CAMK2D: variants seen among roughly 807,000 people sequenced by gnomAD.
The protein encoded by CAMK2D is calcium/calmodulin dependent protein kinase II delta.
In CAMK2D, 37 loss-of-function variants were observed where a neutral mutation model predicts 84.0. That is an observed-to-expected ratio of 0.44 (90% CI 0.34 to 0.58). The LOEUF (loss-of-function observed/expected upper bound fraction) is 0.58. Among genes scored for constraint, CAMK2D ranks in the 20% least tolerant of loss-of-function variants. CAMK2D has a pLI of 0.02. For missense variants in CAMK2D, 448 were observed against 652.5 expected, an observed-to-expected ratio of 0.69 and a Z score of 3.41; for synonymous variants, 202 against 212.5, an observed-to-expected ratio of 0.95 and a Z score of 0.43.
intron 4 of CAMK2D, among the ~76,000 whole-genome samples, chr4:113,590,130 C>T (rs2214393): frequency 0.7 from 105,928 of 151,546 alleles, 37,187 homozygotes; most frequent in Middle Eastern, 0.74. Flanking sequence ...CTAAATGTAT[C>T]TGTTGAATGA....
intron 4 of CAMK2D, among the ~76,000 whole-genome samples, chr4:113,572,817 A>T (rs1236826394): frequency 6.6e-6 from 1 of 152,216 alleles, no homozygotes; most frequent in Admixed American, 6.5e-5. Context: ...GACAGACTGG[A>T]TAAAGAAAAT....
At chr4:113,523,976 G>A (rs923596714) in intron 8 of CAMK2D, among the ~76,000 whole-genome samples, 1 of 151,872 alleles carries the variant, frequency 6.6e-6, no homozygotes, top group Non-Finnish European at 1.5e-5. Context: ...TGATCTTCCC[G>A]GGCTCAGCCT....
intron 2 of CAMK2D, among the ~76,000 whole-genome samples, chr4:113,729,500 C>T (rs182702478): frequency 5.3e-5 from 8 of 150,436 alleles, no homozygotes; most frequent in Non-Finnish European, 1.2e-4. Context: ...ATTTCTTTTG[C>T]CTCACGTGCT....
intron 4 of CAMK2D, among the ~76,000 whole-genome samples, chr4:113,594,940 C>G (rs557443227): frequency 6.0e-4 from 92 of 152,148 alleles, no homozygotes; most frequent in Non-Finnish European, 1.3e-3. Context: ...ACAGCAATAA[C>G]AGTTTGACAG....
chr4:113,527,852 G>A (rs555174578), intron 8 of CAMK2D, among the ~76,000 whole-genome samples: 3 of 152,034 alleles, frequency 2.0e-5, no homozygotes, highest in Admixed American at 2.0e-4. Context: ...ATTAAATAGA[G>A]CTAACTCACC....
At position 113,451,967 on chromosome 4, in the gene CAMK2D, T is replaced by C. The variant is rs912068252; in HGVS notation, c.*2578A>G. The C allele has an allele frequency of 5.3e-5, 8 of 152,046 alleles. No individual in the cohort carries two copies. Among genetic ancestry groups the C allele is most frequent in the East Asian group, 1.9e-4 (1 of 5,166 alleles). The allele number at this position is 152,046 out of a possible 1,614,324, so 9.4% of individuals were successfully genotyped here. A position where few individuals can be genotyped will look rare whatever the true frequency, so the allele number is the denominator to read the frequency against. On this transcript the variant is annotated 3_prime_UTR_variant, in exon 21 of 21. Transcript: ENST00000511664. Reference sequence around the variant, plus strand: ...TTCTAGGTAAGAAACATAAACAACATGAACAGCATAAACAGGCATGTGAGC... The same window carrying C: ...TTCTAGGTAAGAAACATAAACAACACGAACAGCATAAACAGGCATGTGAGC...
intron 5 of CAMK2D, 64 bp downstream of exon 5, chr4:113,551,967 A>G (rs1000689172): frequency 2.0e-5 from 15 of 760,660 alleles, no homozygotes; most frequent in Admixed American, 7.1e-5. Flanking sequence ...TTTGTAAAGA[A>G]ATATGCTGAA....
intron 16 of CAMK2D, among the ~76,000 whole-genome samples, chr4:113,498,723 T>G (rs548610985): frequency 1.3e-5 from 2 of 152,156 alleles, no homozygotes; most frequent in Non-Finnish European, 2.9e-5. Flanking sequence ...GGAGAACTGT[T>G]TTCTAAGAAC....
chr4:113,670,582 G>C (rs1213012569), intron 2 of CAMK2D, among the ~76,000 whole-genome samples: 1 of 151,876 alleles, frequency 6.6e-6, no homozygotes, highest in Non-Finnish European at 1.5e-5. Context: ...ACTTTCCTTA[G>C]ATGTAATTTT....
At chr4:113,462,288 G>C (rs367630502) in intron 17 of CAMK2D, among the ~76,000 whole-genome samples, 889 of 83,914 alleles carry the variant, frequency 0.011, 5 homozygotes, top group African/African-American at 9.9e-3. Flanking sequence ...GTGTGTGTGT[G>C]TGTGTGTCTG....
intron 4 of CAMK2D, among the ~76,000 whole-genome samples, chr4:113,589,971 C>A (rs781610065): frequency 6.6e-6 from 1 of 151,956 alleles, no homozygotes; most frequent in Non-Finnish European, 1.5e-5. Context: ...TATGGTATGG[C>A]CAAATTACCT....
chr4:113,454,701 G>A (rs1321716635), intron 20 of CAMK2D, among the ~76,000 whole-genome samples, 186 bp from the exon 21 acceptor site: 5 of 152,136 alleles, frequency 3.3e-5, no homozygotes, highest in Non-Finnish European at 1.5e-5. Context: ...GTTACACAAA[G>A]AGAGTATTAA....
At chr4:113,518,627 T>C (rs909090761) in intron 8 of CAMK2D, among the ~76,000 whole-genome samples, 13 of 152,286 alleles carry the variant, frequency 8.5e-5, no homozygotes, top group African/African-American at 2.6e-4. Flanking sequence ...CTCTCCTGTT[T>C]GCTTTTTTCT....
Position 113,592,853 on chromosome 4 carries a change from T to TTTTATTTATTTATTTA in CAMK2D, c.275+16283_275+16298dup, listed in dbSNP as rs533000240. 5.8e-4 allele frequency among the ~76,000 whole-genome samples: 88 copies of TTTTATTTATTTATTTA among 152,070 alleles called. No individual in the cohort carries two copies. In the East Asian group the frequency reaches 0.013, roughly 23 times the overall value. On this transcript the variant is annotated intron_variant, in intron 4 of 20. Transcript: ENST00000511664. ...AACTGGATTTTTATAAAATTTGACA[T>TTTTATTTATTTATTTA]TTTATTTATTTATTTATTTAAGACA...
At chr4:113,717,470 C>T (rs2099517124) in intron 2 of CAMK2D, among the ~76,000 whole-genome samples, 1 of 151,898 alleles carries the variant, frequency 6.6e-6, no homozygotes, top group African/African-American at 2.4e-5. Context: ...TAAAAAATTC[C>T]AGGACTTGGT....
At chr4:113,661,627 T>A in intron 3 of CAMK2D, 86 bp downstream of exon 3, 1 of 608,002 alleles carries the variant, frequency 1.6e-6, no homozygotes, top group Non-Finnish European at 2.8e-6. Flanking sequence ...ATAAATATTC[T>A]AGATTATAAA....
intron 2 of CAMK2D, among the ~76,000 whole-genome samples, chr4:113,681,715 G>A (rs898623426): frequency 6.6e-6 from 1 of 151,996 alleles, no homozygotes; most frequent in Admixed American, 6.6e-5. Flanking sequence ...AAAAATAAGT[G>A]ATCATAACTG....
chr4:113,698,767 A>C (rs17593296), intron 2 of CAMK2D, among the ~76,000 whole-genome samples: 22,115 of 152,066 alleles, frequency 0.15, 1,734 homozygotes, highest in East Asian at 0.2. Context: ...AGCTAATTGC[A>C]GAACAGTTTA....
chr4:113,666,946 T>C (rs1315939650), intron 2 of CAMK2D, among the ~76,000 whole-genome samples: 1 of 152,142 alleles, frequency 6.6e-6, no homozygotes, highest in African/African-American at 2.4e-5. Flanking sequence ...CTCAGATCTG[T>C]TTTTGAGGGC....
Sources: gnomAD v4.1 joint callset for allele counts (sites outside exome capture counted in the v4.1 genomes callset) on GRCh38, gnomAD v4.1.1 for gene constraint, MANE v1.5 for transcripts, NCBI Gene and HGNC (gene_info 2026-07-23, HGNC 2026-07-21) for gene names.